Variants in SNTG1 observed in about 807,000 individuals in gnomAD.
SNTG1 encodes the protein syntrophin gamma 1.
A neutral mutation model predicts 74.7 loss-of-function variants in SNTG1; 39 were observed. That is an observed-to-expected ratio of 0.52 (90% CI 0.40 to 0.68). The LOEUF (loss-of-function observed/expected upper bound fraction) is 0.68. Among genes scored for constraint, SNTG1 ranks in the 30% least tolerant of loss-of-function variants. The probability of loss-of-function intolerance (pLI) is 0.00; values close to 1 mark genes in which losing one functional copy is unlikely to be tolerated. For synonymous variants in SNTG1, 254 were observed against 217.1 expected, an observed-to-expected ratio of 1.17 and a Z score of -1.49; for missense variants, 685 against 609.5, an observed-to-expected ratio of 1.12 and a Z score of -1.30.
chr8:50,057,385 TC>T (rs1401155281), intron 1 of SNTG1, among the ~76,000 whole-genome samples: 2 of 152,100 alleles, frequency 1.3e-5, no homozygotes, highest in Non-Finnish European at 2.9e-5. Flanking sequence ...GCCTGTACAT[TC>T]TTTTTTTTCT....
intron 2 of SNTG1, among the ~76,000 whole-genome samples, chr8:50,391,064 C>A (rs1208712628): frequency 6.6e-6 from 1 of 152,078 alleles, no homozygotes; most frequent in Non-Finnish European, 1.5e-5. Context: ...CCCTTTATTT[C>A]TTTCTTCTGT....
At chr8:50,549,998 T>C (rs1313332519) in intron 11 of SNTG1, among the ~76,000 whole-genome samples, 1 of 152,208 alleles carries the variant, frequency 6.6e-6, no homozygotes, top group Non-Finnish European at 1.5e-5. Flanking sequence ...ATCAAATCCT[T>C]ATTAAATCTG....
intron 2 of SNTG1, among the ~76,000 whole-genome samples, chr8:50,362,997 G>A (rs1587319476): frequency 6.6e-6 from 1 of 152,074 alleles, no homozygotes; most frequent in East Asian, 1.9e-4. Flanking sequence ...GAAACTCATG[G>A]CCTCTTCCTT....
At chr8:50,196,342 T>G (rs2083767662) in intron 2 of SNTG1, among the ~76,000 whole-genome samples, 1 of 152,198 alleles carries the variant, frequency 6.6e-6, no homozygotes, top group African/African-American at 2.4e-5. Context: ...GAGATTCTTA[T>G]GAAAGCCTAA....
At position 50,788,546 on chromosome 8, in the gene SNTG1, A is replaced by G. The variant is rs550778412; in HGVS notation, c.1396-4125A>G. Among the ~76,000 whole-genome samples the G allele has an allele frequency of 2.0e-5, 3 of 152,054 alleles. No homozygotes were observed. The East Asian group carries it at 5.8e-4, about 30-fold the overall frequency. On this transcript the variant is annotated intron_variant, in intron 18 of 18. Transcript: ENST00000642720. The stretch of plus-strand genomic sequence containing the variant: ...AGCGTGTGGGAGTTGTTTATATTCT[A>G]CTTCTCAAGGTCATCAGCAAGGTCT...
chr8:50,327,826 AT>A (rs1301393062), intron 2 of SNTG1, among the ~76,000 whole-genome samples: 1 of 151,662 alleles, frequency 6.6e-6, no homozygotes, highest in Non-Finnish European at 1.5e-5. Context: ...TCAGCTCCTT[AT>A]TTTTTCACTT....
At chr8:50,263,849 C>A in intron 2 of SNTG1, among the ~76,000 whole-genome samples, 1 of 152,164 alleles carries the variant, frequency 6.6e-6, no homozygotes, top group Non-Finnish European at 1.5e-5. Context: ...CCCCAACAGA[C>A]ATGTGTAGAA....
chr8:50,446,710 C>G (rs2131605806), intron 5 of SNTG1, among the ~76,000 whole-genome samples: 1 of 152,128 alleles, frequency 6.6e-6, no homozygotes, highest in Non-Finnish European at 1.5e-5. Context: ...AACCAAAAAC[C>G]ATGTTTGGAT....
chr8:50,744,359 T>C (rs1312437093), intron 17 of SNTG1, among the ~76,000 whole-genome samples: 1 of 151,972 alleles, frequency 6.6e-6, no homozygotes, highest in Non-Finnish European at 1.5e-5. Flanking sequence ...AATAAAATAA[T>C]TGGGGATATA....
At chr8:50,786,197 G>A (rs2095674666) in intron 18 of SNTG1, among the ~76,000 whole-genome samples, 1 of 151,848 alleles carries the variant, frequency 6.6e-6, no homozygotes, top group Non-Finnish European at 1.5e-5. Flanking sequence ...CAATCCCAAT[G>A]CACAAAAATC....
At chr8:50,127,857 G>A (rs763182594) in intron 1 of SNTG1, among the ~76,000 whole-genome samples, 5 of 152,024 alleles carry the variant, frequency 3.3e-5, no homozygotes, top group Non-Finnish European at 5.9e-5. Flanking sequence ...AAGTCCAATT[G>A]TTTTGTTTTT....
intron 1 of SNTG1, among the ~76,000 whole-genome samples, chr8:50,056,701 T>C (rs1820052526): frequency 1.3e-5 from 2 of 152,180 alleles, no homozygotes; most frequent in African/African-American, 4.8e-5. Flanking sequence ...GTAAAGTCTT[T>C]TAGAACATTG....
At chr8:50,672,866 AG>A (rs1367903342) in intron 15 of SNTG1, among the ~76,000 whole-genome samples, 1 of 152,064 alleles carries the variant, frequency 6.6e-6, no homozygotes, top group African/African-American at 2.4e-5. Flanking sequence ...TTTTTGTTTA[AG>A]GTGTAAGGAA....
chr8:50,135,069 T>C lies in SNTG1; in HGVS notation c.-102-37492T>C, dbSNP rs532099742. Among the ~76,000 whole-genome samples the C allele has an allele frequency of 2.0e-5, 3 of 152,268 alleles. No homozygotes were observed. The South Asian group carries it at 6.2e-4, about 32-fold the overall frequency. On this transcript the variant is annotated intron_variant, in intron 1 of 18. Coordinates refer to ENST00000642720, the MANE Select transcript of SNTG1 (RefSeq NM_018967.5). ...GTTGGCCTGGAAATGAACATCTCTG[T>C]GAGACTCAGATTCCCTTTTCTGCAC...
intron 2 of SNTG1, among the ~76,000 whole-genome samples, chr8:50,204,915 C>T (rs1006134457): frequency 6.6e-6 from 1 of 152,162 alleles, no homozygotes; most frequent in Non-Finnish European, 1.5e-5. Flanking sequence ...TTTTTTATGG[C>T]TGCATAGTAT....
intron 1 of SNTG1, among the ~76,000 whole-genome samples, chr8:49,944,677 G>T (rs1223827183): frequency 1.3e-5 from 2 of 151,090 alleles, no homozygotes; most frequent in East Asian, 3.9e-4. Context: ...ATGTATACAT[G>T]TGTAACTAAC....
At chr8:50,691,666 C>G (rs1282613332) in intron 15 of SNTG1, among the ~76,000 whole-genome samples, 5 of 152,160 alleles carry the variant, frequency 3.3e-5, no homozygotes, top group Non-Finnish European at 5.9e-5. Flanking sequence ...ACCTTTCTCT[C>G]TGGCTGCCCT....
intron 1 of SNTG1, among the ~76,000 whole-genome samples, chr8:50,144,422 G>C (rs1021534785): frequency 6.6e-6 from 1 of 152,186 alleles, no homozygotes; most frequent in Non-Finnish European, 1.5e-5. Context: ...CATCAAGGAT[G>C]GGCTCCTCTG....
intron 2 of SNTG1, among the ~76,000 whole-genome samples, chr8:50,282,224 T>A (rs949766149): frequency 3.3e-5 from 5 of 152,090 alleles, no homozygotes; most frequent in Middle Eastern, 3.4e-3. Flanking sequence ...AACCCCACAG[T>A]AAACTTCTCC....
Sources: gnomAD v4.1 joint callset for allele counts (sites outside exome capture counted in the v4.1 genomes callset) on GRCh38, gnomAD v4.1.1 for gene constraint, MANE v1.5 for transcripts, NCBI Gene and HGNC (gene_info 2026-07-23, HGNC 2026-07-21) for gene names.